SOX7: variants seen among roughly 807,000 people sequenced by gnomAD.
The protein encoded by SOX7 is SRY-box transcription factor 7.
In SOX7, 19 loss-of-function variants were observed where a neutral mutation model predicts 24.9. That is an observed-to-expected ratio of 0.76 (90% CI 0.53 to 1.12). The LOEUF (loss-of-function observed/expected upper bound fraction) is 1.12. SOX7 is among the 50% of genes most tolerant of loss of function. SOX7 has a pLI of 0.00. For synonymous variants in SOX7, 327 were observed against 244.5 expected (o/e 1.34, Z -3.15); for missense variants, 702 against 535.0 (o/e 1.31, Z -3.08).
intron 1 of SOX7, 72 bp from the exon 2 acceptor site, chr8:10,726,738 A>G (rs1206275626): frequency 1.5e-6 from 2 of 1,366,500 alleles, no homozygotes; most frequent in Non-Finnish European, 2.0e-6. Flanking sequence ...ACACGCGTGC[A>G]CACACACGTG....
In SOX7 at chr8:10,730,347, C is replaced by G. The variant is rs1800237488; in HGVS notation, c.87G>C (p.Pro29=). 6.4e-7 allele frequency: 1 copy of G among 1,564,646 alleles called. No homozygotes were observed. Among genetic ancestry groups the G allele is most frequent in the Non-Finnish European group, 8.6e-7 (1 of 1,159,712 alleles). ...LDAELSDGQS[P]PAVPRPPGDK... is the part of the protein sequence containing the mutation. Reference sequence around the variant, plus strand: ...CCCCCGGGGGCCGGGGGACGGCCGGCGGCGATTGTCCATCCGACAGCTCGG... The same window carrying G: ...CCCCCGGGGGCCGGGGGACGGCCGGGGGCGATTGTCCATCCGACAGCTCGG... The change falls in exon 1 of 2, where the codon CCG becomes CCC. Residue 29 remains proline, a synonymous_variant. Coordinates refer to ENST00000304501, the MANE Select transcript of SOX7 (RefSeq NM_031439.4). This position sits in a 1 kb window ranked among gnomAD's most constrained non-coding sequence, Gnocchi z 4.8.
intron 1 of SOX7, among the ~76,000 whole-genome samples, chr8:10,727,044 C>G (rs1249616182): frequency 6.6e-6 from 1 of 152,120 alleles, no homozygotes; most frequent in East Asian, 1.9e-4. Flanking sequence ...CTCTTTTTAC[C>G]CTTCCAGGGT....
At chr8:10,727,582 T>C (rs962255730) in intron 1 of SOX7, among the ~76,000 whole-genome samples, 5 of 152,242 alleles carry the variant, frequency 3.3e-5, no homozygotes, top group African/African-American at 9.6e-5. Flanking sequence ...CTGGCTGCGC[T>C]TGATCTTCTA....
chr8:10,730,179 G>T lies in SOX7; in HGVS notation c.238+17C>A, dbSNP rs746060890. ...CCGCCCCCGGCCCCCAGCCCGCTCG[G>T]CCGCGCGCTCACTCACCCAGCATCT... On this transcript the variant is annotated intron_variant, in intron 1 of 1. Transcript: ENST00000304501. This position sits in a 1 kb window ranked among gnomAD's most constrained non-coding sequence, Gnocchi z 4.8. The T allele has an allele frequency of 2.0e-6, 3 of 1,499,234 alleles. No individual in the cohort carries two copies. Among genetic ancestry groups the T allele is most frequent in the Non-Finnish European group, 2.7e-6 (3 of 1,129,858 alleles). The allele number at this position is 1,499,234 out of a possible 1,614,324, so 92.9% of individuals were successfully genotyped here. A position where few individuals can be genotyped will look rare whatever the true frequency, so the allele number is the denominator to read the frequency against.
chr8:10,725,849 ACTGAGGGCCATGGCCC>A lies in SOX7; in HGVS notation c.1040_1055del (p.Gly347ValfsTer9). 1 of 1,614,110 alleles carries A rather than the reference ACTGAGGGCCATGGCCC, an allele frequency of 6.2e-7. No individual in the cohort carries two copies. Among genetic ancestry groups the A allele is most frequent in the Non-Finnish European group, 8.5e-7 (1 of 1,180,002 alleles). On this transcript the variant is annotated frameshift_variant, in exon 2 of 2. Transcript: ENST00000304501. LOFTEE classifies it high-confidence loss of function. ...TCACCTGGGAGACCGGAACATGCCC[ACTGAGGGCCATGGCCC>A]CTGTGGCGGAGTCTGGGTGGCCAGG...
chr8:10,725,940 T>C lies in SOX7; in HGVS notation c.965A>G (p.Glu322Gly), dbSNP rs773060290. 8.1e-6 allele frequency: 13 copies of C among 1,613,376 alleles called. No homozygotes were observed. In the East Asian group the frequency reaches 2.5e-4, roughly 30 times the overall value. The change falls in exon 2 of 2, where the codon GAA becomes GGA. Residue 322 changes from glutamate (E) to glycine (G), a missense_variant. Physicochemically the swap from Glu to Gly is moderately conservative, Grantham distance 98. Coordinates refer to ENST00000304501, the MANE Select transcript of SOX7 (RefSeq NM_031439.4). ...FDALDQLSQV[E>G]LLGDMDRNEF... ...ATTGCGATCCATGTCCCCCAGGAGT[T>C]CCACCTGGCTCAGTTGATCCAGGGC...
Position 10,726,271 on chromosome 8 carries a change from C to T in SOX7, c.634G>A (p.Val212Met), listed in dbSNP as rs756585518. 1.2e-6 allele frequency: 2 copies of T among 1,613,742 alleles called. No homozygotes were observed. The highest frequency in any genetic ancestry group is 1.7e-6 in the Non-Finnish European group (2 of 1,179,970). The change falls in exon 2 of 2, where the codon GTG becomes ATG. Residue 212 changes from valine (V) to methionine (M), a missense_variant. By Grantham distance (21) the Val-to-Met change is conservative. Coordinates refer to ENST00000304501, the MANE Select transcript of SOX7 (RefSeq NM_031439.4). ...PTPPEMSPLD[V>M]LEPEQTFFSS... is the part of the protein sequence containing the mutation. ...AAGAAGGTCTGCTCCGGCTCCAGCA[C>T]GTCCAGGGGAGACATTTCAGGAGGT...
chr8:10,728,622 A>C (rs1026544342), intron 1 of SOX7, among the ~76,000 whole-genome samples: 12 of 152,148 alleles, frequency 7.9e-5, no homozygotes, highest in Non-Finnish European at 1.8e-4. Flanking sequence ...ATGGGGACCA[A>C]CTCGCAGGAA....
rs757740144 is a variant in SOX7 at position 10,730,259 on chromosome 8, C to G, written c.175G>C (p.Glu59Gln). ...TTCTGCACTGCCAGCCGTTTCCTCT[C>G]GTCCTTGGCCCAAACCATGAAGGCG... ...MNAFMVWAKD[E>Q]RKRLAVQNPD... Residue 59 changes from glutamate to glutamine, a missense_variant, in exon 1 of 2, where the codon GAG (glutamate) becomes CAG (glutamine). Coordinates refer to ENST00000304501, the MANE Select transcript of SOX7 (RefSeq NM_031439.4). This position sits in a 1 kb window ranked among gnomAD's most constrained non-coding sequence, Gnocchi z 4.8. 2.5e-6 allele frequency: 4 copies of G among 1,578,542 alleles called. No homozygotes were observed. The highest frequency in any genetic ancestry group is 3.4e-6 in the Non-Finnish European group (4 of 1,164,178).
Position 10,725,767 on chromosome 8 carries a change from T to C in SOX7, c.1138A>G (p.Thr380Ala). 1 of 1,613,944 alleles carries C rather than the reference T, an allele frequency of 6.2e-7. No homozygotes were observed. The highest frequency in any genetic ancestry group is 8.5e-7 in the Non-Finnish European group (1 of 1,179,990). ...LISVLADATA[T>A]YYNSYSVS ...GACACACTGTAGCTGTTGTAGTACG[T>C]GGCCGTGGCATCAGCCAGGACGGAG... is the stretch of plus-strand genomic sequence containing the variant. Residue 380 changes from threonine (T) to alanine (A), a missense_variant, in exon 2 of 2, where the codon ACG (threonine) becomes GCG (alanine). Coordinates refer to ENST00000304501, the MANE Select transcript of SOX7 (RefSeq NM_031439.4).
At position 10,725,883 on chromosome 8, in the gene SOX7, T is replaced by G. The variant is rs572330928; in HGVS notation, c.1022A>C (p.His341Pro). Residue 341 changes from histidine to proline, a missense_variant, in exon 2 of 2, where the codon CAC (histidine) becomes CCC (proline). His to Pro is a moderately conservative substitution (Grantham distance 77, BLOSUM62 -2). Transcript: ENST00000304501. ...EFDQYLNTPG[H>P]PDSATGAMAL... ...CATGGCCCCTGTGGCGGAGTCTGGG[T>G]GGCCAGGAGTGTTCAAATACTGGTC... 6.2e-7 allele frequency: 1 copy of G among 1,614,112 alleles called. No homozygotes were observed. The highest frequency in any genetic ancestry group is 2.2e-5 in the East Asian group (1 of 44,856).
chr8:10,730,067 C>T lies in SOX7; in HGVS notation c.238+129G>A. ...TCGCGCAGATGGCCAGCCACGCGGG[C>T]ACGAAGAGGGCCCTCGTCCCGCGTG... On this transcript the variant is annotated intron_variant, in intron 1 of 1. Transcript: ENST00000304501. The surrounding 1 kb of genome is among the most constrained non-coding windows in gnomAD (Gnocchi z 4.8). 2 of 552,118 alleles carry T rather than the reference C, an allele frequency of 3.6e-6. No individual in the cohort carries two copies. The highest frequency in any genetic ancestry group is 5.4e-6 in the Non-Finnish European group (2 of 367,606). 34.2% of individuals were successfully genotyped at this position (552,118 alleles called of 1,614,324 possible).
In SOX7 at chr8:10,726,703, T is replaced by C. The variant is rs573177548; in HGVS notation, c.239-37A>G. The C allele has an allele frequency of 4.1e-5, 62 of 1,519,074 alleles. No homozygotes were observed. In the South Asian group the frequency reaches 7.5e-4, roughly 18 times the overall value. 94.1% of individuals were successfully genotyped at this position (1,519,074 alleles called of 1,614,324 possible). A position where few individuals can be genotyped will look rare whatever the true frequency, so the allele number is the denominator to read the frequency against. On this transcript the variant is annotated intron_variant, in intron 1 of 1. Coordinates refer to ENST00000304501, the MANE Select transcript of SOX7 (RefSeq NM_031439.4). ...AGGCAGAGGAGGCCATGCTCAGTGC[T>C]GTGCCCCGCAGGCATCGCACATGCA...
intron 1 of SOX7, among the ~76,000 whole-genome samples, chr8:10,728,348 T>A (rs1216833913): frequency 6.6e-6 from 1 of 152,104 alleles, no homozygotes; most frequent in Admixed American, 6.5e-5. Flanking sequence ...GTTTGGAAGG[T>A]TTATAGTGGA....
At chr8:10,727,584 G>C (rs1800179952) in intron 1 of SOX7, among the ~76,000 whole-genome samples, 1 of 152,334 alleles carries the variant, frequency 6.6e-6, no homozygotes. Context: ...GGCTGCGCTT[G>C]ATCTTCTATT....
Position 10,724,191 on chromosome 8 carries a change from T to C in SOX7, c.*1547A>G, listed in dbSNP as rs1424522790. ...GTTATGCATGCTCCTTTAAAGGAGG[T>C]TTGGGGGAAAGATGAAAATATTTTG... is the stretch of plus-strand genomic sequence containing the variant. On this transcript the variant is annotated 3_prime_UTR_variant, in exon 2 of 2. Transcript: ENST00000304501. 6.6e-6 allele frequency: 1 copy of C among 151,510 alleles called. No homozygotes were observed. Among genetic ancestry groups the C allele is most frequent in the Non-Finnish European group, 1.5e-5 (1 of 67,916 alleles). The allele number at this position is 151,510 out of a possible 1,614,324, so 9.4% of individuals were successfully genotyped here.
rs1005292984 is a variant in SOX7 at position 10,730,498 on chromosome 8, C to A, written c.-65G>T. On this transcript the variant is annotated 5_prime_UTR_variant, in exon 1 of 2. Transcript: ENST00000304501. The surrounding 1 kb of genome is among the most constrained non-coding windows in gnomAD (Gnocchi z 4.8). ...GCGCGGACCTGGCCCTCGCACGGGT[C>A]GGGGCGTCCAACTTGGCCCGCAGCC... 1.4e-5 allele frequency: 17 copies of A among 1,207,616 alleles called. No individual in the cohort carries two copies. In the African/African-American group the frequency reaches 2.4e-4, roughly 17 times the overall value. 74.8% of individuals were successfully genotyped at this position (1,207,616 alleles called of 1,614,324 possible).
At chr8:10,727,420 C>A (rs1329800050) in intron 1 of SOX7, among the ~76,000 whole-genome samples, 1 of 152,230 alleles carries the variant, frequency 6.6e-6, no homozygotes, top group African/African-American at 2.4e-5. Context: ...AGGGCACCTG[C>A]TTAGCCACAG....
At chr8:10,727,437 A>G (rs1310090547) in intron 1 of SOX7, among the ~76,000 whole-genome samples, 1 of 152,200 alleles carries the variant, frequency 6.6e-6, no homozygotes, top group East Asian at 1.9e-4. Flanking sequence ...ACAGATCTCC[A>G]TGCAGAAGCC....
Sources: gnomAD v4.1 joint callset for allele counts (sites outside exome capture counted in the v4.1 genomes callset) on GRCh38, gnomAD v4.1.1 for gene constraint, Gnocchi (gnomAD v3.1) non-coding constraint, MANE v1.5 for transcripts, NCBI Gene and HGNC (gene_info 2026-07-23, HGNC 2026-07-21) for gene names.